Variants in C12orf42 observed in about 807,000 individuals in gnomAD.
C12orf42 encodes uncharacterized protein C12orf42.
Under a neutral mutation model 21.6 loss-of-function variants are expected in C12orf42, and 25 were observed. The ratio of observed to expected loss-of-function variants is 1.16; its 90% confidence interval spans 0.84 to 1.62. The LOEUF is 1.62. C12orf42 is among the 40% of genes most tolerant of loss of function. The pLI is 0.00. For missense variants in C12orf42, 483 were observed against 459.3 expected, an observed-to-expected ratio of 1.05 and a Z score of -0.47; for synonymous variants, 174 against 175.0, an observed-to-expected ratio of 0.99 and a Z score of 0.05.
At chr12:103,267,910 A>G (rs1349768378), downstream of C12orf42, 4 of 152,198 alleles carry the variant, frequency 2.6e-5, no homozygotes, top group South Asian at 2.1e-4. Context: ...GGAAAAACAT[A>G]AACTTTAGTT....
At chr12:103,526,928 C>G in the C12orf42 span, among the ~76,000 whole-genome samples, 2 of 152,208 alleles carry the variant, frequency 1.3e-5, no homozygotes, top group Non-Finnish European at 2.9e-5. Flanking sequence ...AGCTACCAAA[C>G]AGTAGAACAG....
chr12:103,232,622 A>T (rs1034255153), downstream of C12orf42, among the ~76,000 whole-genome samples: 5 of 151,326 alleles, frequency 3.3e-5, no homozygotes, highest in Non-Finnish European at 7.4e-5. Context: ...GAGGCAGGAG[A>T]ATGGCATGAA....
At chr12:103,177,235 A>G in the C12orf42 span, among the ~76,000 whole-genome samples, 1 of 152,340 alleles carries the variant, frequency 6.6e-6, no homozygotes, top group Admixed American at 6.5e-5. Context: ...AAGCCACACC[A>G]TCTCAGCTTC....
the C12orf42 span, among the ~76,000 whole-genome samples, chr12:103,553,440 T>C: frequency 2.6e-5 from 4 of 152,202 alleles, no homozygotes; most frequent in East Asian, 7.7e-4. Flanking sequence ...AGCAACACAG[T>C]CTACAAGGAA....
chr12:103,555,311 C>T, the C12orf42 span, among the ~76,000 whole-genome samples: 1 of 152,208 alleles, frequency 6.6e-6, no homozygotes, highest in Admixed American at 6.5e-5. Flanking sequence ...TGGCAGCAGG[C>T]AGAGAGGGAG....
At chr12:103,126,413 G>A in the C12orf42 span, among the ~76,000 whole-genome samples, 1 of 152,162 alleles carries the variant, frequency 6.6e-6, no homozygotes, top group African/African-American at 2.4e-5. Flanking sequence ...AACTAGGAAT[G>A]AGTAACTTCT....
chr12:103,495,781 C>T (rs1217193458), intron 1 of C12orf42, 121 bp downstream of exon 1: 1 of 152,426 alleles, frequency 6.6e-6, no homozygotes, highest in Non-Finnish European at 1.5e-5. Context: ...GCTCCTTGGC[C>T]TTTGCTGCCG....
At chr12:103,385,516 C>T (rs1458405688) in intron 3 of C12orf42, among the ~76,000 whole-genome samples, 1 of 152,002 alleles carries the variant, frequency 6.6e-6, no homozygotes, top group Non-Finnish European at 1.5e-5. Flanking sequence ...TAAAAGTAAC[C>T]CATTAGTAGC....
the C12orf42 span, among the ~76,000 whole-genome samples, chr12:103,215,430 TC>T: frequency 0.28 from 42,252 of 152,018 alleles, 6,907 homozygotes; most frequent in Non-Finnish European, 0.37. Flanking sequence ...CACTTGAGTA[TC>T]CCTCCTGGCC....
At chr12:103,447,692 A>G (rs1592853359) in intron 2 of C12orf42, among the ~76,000 whole-genome samples, 1 of 152,084 alleles carries the variant, frequency 6.6e-6, no homozygotes, top group East Asian at 1.9e-4. Flanking sequence ...CCCTTTTACA[A>G]CAGCTGCAAA....
intron 2 of C12orf42, among the ~76,000 whole-genome samples, chr12:103,460,371 C>T (rs1160831540): frequency 1.3e-5 from 2 of 152,056 alleles, no homozygotes; most frequent in South Asian, 2.1e-4. Flanking sequence ...CACTTCCACA[C>T]GTATTTGTTG....
At chr12:103,393,199 G>A (rs1262980595) in intron 3 of C12orf42, among the ~76,000 whole-genome samples, 4 of 152,152 alleles carry the variant, frequency 2.6e-5, no homozygotes, top group African/African-American at 9.7e-5. Flanking sequence ...GGATCTGCAG[G>A]CTGTACAGGA....
intron 4 of C12orf42, among the ~76,000 whole-genome samples, chr12:103,323,525 A>G (rs977479076): frequency 6.6e-6 from 1 of 152,234 alleles, no homozygotes; most frequent in African/African-American, 2.4e-5. Flanking sequence ...AAATTAGCAG[A>G]TCAAGACTGT....
chr12:103,119,483 G>C, the C12orf42 span, among the ~76,000 whole-genome samples: 2 of 152,120 alleles, frequency 1.3e-5, no homozygotes, highest in African/African-American at 2.4e-5. Flanking sequence ...AAGAGCTCAG[G>C]AAATAGGCTA....
the C12orf42 span, among the ~76,000 whole-genome samples, chr12:103,129,859 G>T: frequency 6.6e-6 from 1 of 152,184 alleles, no homozygotes; most frequent in East Asian, 1.9e-4. Flanking sequence ...GGAGACATCT[G>T]TTACCAACTA....
chr12:103,544,249 CTT>C, the C12orf42 span, among the ~76,000 whole-genome samples: 1 of 152,070 alleles, frequency 6.6e-6, no homozygotes, highest in East Asian at 1.9e-4. Flanking sequence ...CTAAACATGT[CTT>C]TATTTCACTT....
the C12orf42 span, among the ~76,000 whole-genome samples, chr12:103,555,618 G>A: frequency 6.6e-6 from 1 of 152,106 alleles, no homozygotes; most frequent in South Asian, 2.1e-4. Context: ...AGCAGCATGG[G>A]CATCTCCTGA....
intron 2 of C12orf42, among the ~76,000 whole-genome samples, chr12:103,444,357 A>G (rs1951446905): frequency 6.6e-6 from 1 of 152,106 alleles, no homozygotes; most frequent in Non-Finnish European, 1.5e-5. Flanking sequence ...TGTAACTTCT[A>G]AATAAAAATT....
intron 4 of C12orf42, among the ~76,000 whole-genome samples, chr12:103,324,019 A>G (rs902715488): frequency 1.3e-5 from 2 of 152,166 alleles, no homozygotes; most frequent in African/African-American, 4.8e-5. Context: ...ATTTTCCCAC[A>G]TCCTCTTTAA....
Sources: gnomAD v4.1 joint callset for allele counts (sites outside exome capture counted in the v4.1 genomes callset) on GRCh38, gnomAD v4.1.1 for gene constraint, MANE v1.5 for transcripts, NCBI Gene and HGNC (gene_info 2026-07-23, HGNC 2026-07-21) for gene names.